KIF23: variants seen among roughly 807,000 people sequenced by gnomAD.
The protein encoded by KIF23 is kinesin-like protein KIF23.
KIF23 carries 30 observed loss-of-function variants against 137.5 expected under a neutral mutation model. The observed-to-expected ratio is 0.22, with a 90% CI of 0.16 to 0.30. The LOEUF (loss-of-function observed/expected upper bound fraction) is 0.30. Among genes scored for constraint, KIF23 ranks in the 10% least tolerant of loss-of-function variants. The probability of loss-of-function intolerance (pLI) is 1.00; values close to 1 mark genes in which losing one functional copy is unlikely to be tolerated. For missense variants in KIF23, 920 were observed against 1,194.3 expected, an observed-to-expected ratio of 0.77 and a Z score of 3.38; for synonymous variants, 367 against 391.1, an observed-to-expected ratio of 0.94 and a Z score of 0.73.
rs145777656 is a variant in KIF23 at position 69,425,849 on chromosome 15, G to A, written c.777-221G>A. On this transcript the variant is annotated intron_variant, in intron 8 of 23. Transcript: ENST00000679126. ...AGCTTTTAAAACAAAATTGGTTTCTGTTATCTTGTTACTTAACTAATCTTG... is the reference window on the plus strand; with the variant it reads ...AGCTTTTAAAACAAAATTGGTTTCTATTATCTTGTTACTTAACTAATCTTG... 1,040 of 172,028 alleles carry A rather than the reference G, an allele frequency of 6.0e-3. 14 individuals carry two copies. Among genetic ancestry groups the A allele is most frequent in the African/African-American group, 0.023 (979 of 42,016 alleles). The allele number at this position is 172,028 out of a possible 1,614,324, so 10.7% of individuals were successfully genotyped here.
intron 11 of KIF23, chr15:69,435,021 G>A: frequency 3.4e-6 from 2 of 589,086 alleles, no homozygotes; most frequent in Non-Finnish European, 3.0e-6. Flanking sequence ...CACCGCGTTG[G>A]CATCTCCCTG....
intron 18 of KIF23, 125 bp from the exon 19 acceptor site, chr15:69,440,643 C>T: frequency 8.9e-7 from 1 of 1,128,182 alleles, no homozygotes; most frequent in South Asian, 1.8e-5. Context: ...AAATTTAGCA[C>T]AAAAAAATAG....
At chr15:69,420,072 T>C (rs1377403472) in intron 3 of KIF23, among the ~76,000 whole-genome samples, 1 of 151,968 alleles carries the variant, frequency 6.6e-6, no homozygotes, top group Non-Finnish European at 1.5e-5. Context: ...CGAGACTAGC[T>C]TGGCCAACAT....
intron 6 of KIF23, 55 bp downstream of exon 6, chr15:69,422,490 GTGGTT>G: frequency 9.8e-7 from 1 of 1,023,728 alleles, no homozygotes; most frequent in Non-Finnish European, 1.5e-6. Flanking sequence ...ATTCTTTCCT[GTGGTT>G]TGCCCAGACA....
intron 3 of KIF23, among the ~76,000 whole-genome samples, chr15:69,417,787 T>C (rs747069156): frequency 1.2e-4 from 19 of 152,240 alleles, no homozygotes; most frequent in Non-Finnish European, 2.4e-4. Flanking sequence ...TAATGTGGAA[T>C]GATACATGAT....
In KIF23 at chr15:69,435,527, G is replaced by A. The variant is rs776748724; in HGVS notation, c.1159G>A (p.Val387Ile). 6.2e-7 allele frequency: 1 copy of A among 1,614,044 alleles called. No homozygotes were observed. Among genetic ancestry groups the A allele is most frequent in the Non-Finnish European group, 8.5e-7 (1 of 1,179,958 alleles). Residue 387 changes from valine to isoleucine, a missense_variant, in exon 12 of 24, where the codon GTC (valine) becomes ATC (isoleucine). Around this residue, in one of 4 missense-constraint regions of KIF23, gnomAD observed 714 missense variants for 866.2 expected, o/e 0.82. Coordinates refer to ENST00000679126, the MANE Select transcript of KIF23 (RefSeq NM_001367805.3). ...SLMTLRTCMD[V>I]LRENQMYGTN... ...AATGACGCTAAGAACATGTATGGAT[G>A]TCCTAAGAGAGAACCAAATGTATGG...
At chr15:69,417,608 C>T in intron 3 of KIF23, 97 bp downstream of exon 3, 1 of 1,340,944 alleles carries the variant, frequency 7.5e-7, no homozygotes, top group Middle Eastern at 2.5e-4. Context: ...TGTGAGCCCA[C>T]ATTTTCAAAA....
chr15:69,422,051 C>T lies in KIF23; in HGVS notation c.376C>T (p.Pro126Ser), dbSNP rs774076969. 5 of 1,613,952 alleles carry T rather than the reference C, an allele frequency of 3.1e-6. No homozygotes were observed. Among genetic ancestry groups the T allele is most frequent in the East Asian group, 4.5e-5 (2 of 44,876 alleles). ...AAAAACTCACACAATGACTGGTTCT[C>T]CAGGGGAAGGAGGGCTGCTTCCTCG... The part of the protein sequence containing the change: ...SGKTHTMTGS[P>S]GEGGLLPRCL... The change falls in exon 5 of 24, where the codon CCA (proline) becomes TCA (serine). Residue 126 changes from proline (P) to serine (S), a missense_variant. Pro to Ser is a moderately conservative substitution (Grantham distance 74). Around this residue, in one of 4 missense-constraint regions of KIF23, gnomAD observed 714 missense variants for 866.2 expected, o/e 0.82. Coordinates refer to ENST00000679126, the MANE Select transcript of KIF23 (RefSeq NM_001367805.3).
intron 10 of KIF23, among the ~76,000 whole-genome samples, chr15:69,427,817 A>C (rs941199914): frequency 1.3e-5 from 2 of 152,364 alleles, no homozygotes; most frequent in East Asian, 3.9e-4. Flanking sequence ...GAAGACCTCC[A>C]GGATTTGAAT....
Position 69,414,450 on chromosome 15 carries a change from C to A in KIF23, c.-16C>A. 6.3e-7 allele frequency: 1 copy of A among 1,586,468 alleles called. No homozygotes were observed. The highest frequency in any genetic ancestry group is 1.8e-5 in the Admixed American group (1 of 56,290). ...CCGTCCCGCATGCGCGTTTGGGCGG[C>A]GTGGAGCCTGCTGCCATGAAGTCAG... On this transcript the variant is annotated 5_prime_UTR_variant, in exon 1 of 24. Transcript: ENST00000679126.
chr15:69,429,279 C>T, intron 11 of KIF23, 66 bp downstream of exon 11: 1 of 1,063,540 alleles, frequency 9.4e-7, no homozygotes, highest in South Asian at 1.4e-5. Flanking sequence ...AGTTTATTAT[C>T]TACTTATCAA....
chr15:69,433,819 A>AC, intron 11 of KIF23, among the ~76,000 whole-genome samples: 1 of 152,204 alleles, frequency 6.6e-6, no homozygotes. Context: ...CATCTCCTGA[A>AC]CTCAGAATCG....
At position 69,444,892 on chromosome 15, in the gene KIF23, A is replaced by T; in HGVS notation, c.2524A>T (p.Met842Leu). 1 of 1,614,194 alleles carries T rather than the reference A, an allele frequency of 6.2e-7. No homozygotes were observed. The highest frequency in any genetic ancestry group is 8.5e-7 in the Non-Finnish European group (1 of 1,180,026). Reference protein sequence around the residue: ...RWVDHKPASNMQTETVMQPHV... With the variant: ...RWVDHKPASNLQTETVMQPHV... ...GGTAGATCATAAGCCCGCCTCTAACATGCAAACTGAAACAGTCATGCAGCC... is the reference window on the plus strand; with the variant it reads ...GGTAGATCATAAGCCCGCCTCTAACTTGCAAACTGAAACAGTCATGCAGCC... Residue 842 changes from methionine to leucine, a missense_variant, in exon 20 of 24, where the codon ATG (methionine) becomes TTG (leucine). By Grantham distance (15) the Met-to-Leu change is conservative (BLOSUM62 2). Coordinates refer to ENST00000679126, the MANE Select transcript of KIF23 (RefSeq NM_001367805.3). This position sits in a 1 kb window ranked among gnomAD's most constrained non-coding sequence, Gnocchi z 4.2.
At chr15:69,434,855 G>T (rs896437017) in intron 11 of KIF23, 3 of 795,246 alleles carry the variant, frequency 3.8e-6, no homozygotes, top group African/African-American at 3.4e-5. Flanking sequence ...GGGCATAGCT[G>T]CTCACGTAGT....
intron 7 of KIF23, 96 bp downstream of exon 7, chr15:69,423,425 T>TG: frequency 2.7e-6 from 2 of 732,588 alleles, no homozygotes; most frequent in Non-Finnish European, 4.3e-6. Flanking sequence ...AAGAGAATAA[T>TG]GCTTGCATTT....
intron 10 of KIF23, 54 bp from the exon 11 acceptor site, chr15:69,429,057 C>A: frequency 8.5e-7 from 1 of 1,180,126 alleles, no homozygotes; most frequent in South Asian, 1.3e-5. Flanking sequence ...ATTTAAAGAA[C>A]ATTATAAACC....
At chr15:69,432,072 A>C (rs1368323824) in intron 11 of KIF23, among the ~76,000 whole-genome samples, 1 of 152,226 alleles carries the variant, frequency 6.6e-6, no homozygotes, top group Non-Finnish European at 1.5e-5. Flanking sequence ...TGGAAGAGGC[A>C]GGAAAATCTG....
rs1337517651 is a variant in KIF23, at chr15:69,418,404, AAAAAG to A, written c.210+894_210+898del. Among the ~76,000 whole-genome samples, 4 of 152,258 alleles carry A rather than the reference AAAAAG, an allele frequency of 2.6e-5. No individual in the cohort carries two copies. In the East Asian group the frequency reaches 7.7e-4, roughly 29 times the overall value. ...TGTGCATCTCAAATTTTACATGCCCAAAAAGGAGTTCTTGATTTTTCTTATTCCCT... is the reference window on the plus strand; with the variant it reads ...TGTGCATCTCAAATTTTACATGCCCAGAGTTCTTGATTTTTCTTATTCCCT... On this transcript the variant is annotated intron_variant, in intron 3 of 23. Transcript: ENST00000679126.
intron 19 of KIF23, among the ~76,000 whole-genome samples, chr15:69,442,145 C>A (rs2057637123): frequency 6.6e-6 from 1 of 152,064 alleles, no homozygotes; most frequent in Non-Finnish European, 1.5e-5. Context: ...ATAAAATAGT[C>A]TCACCCTGTC....
Sources: allele counts gnomAD v4.1 joint callset (sites outside exome capture counted in the v4.1 genomes callset), GRCh38; gene constraint gnomAD v4.1.1; regional missense constraint gnomAD v4.1.1; non-coding constraint Gnocchi (gnomAD v3.1); transcripts MANE v1.5; gene names NCBI Gene and HGNC (gene_info 2026-07-23, HGNC 2026-07-21).